Variants in RGS6 observed in about 807,000 individuals in gnomAD.
RGS6 encodes regulator of G protein signaling 6.
RGS6 carries 30 observed loss-of-function variants against 78.5 expected under a neutral mutation model. The observed-to-expected ratio is 0.38, with a 90% CI of 0.29 to 0.52. The LOEUF is 0.52. Ranked by LOEUF, RGS6 falls within the 20% of genes least tolerant of loss-of-function variation. The pLI, the probability that RGS6 is intolerant of heterozygous loss-of-function variation, is 0.85. For synonymous variants in RGS6, 206 were observed against 206.0 expected, an observed-to-expected ratio of 1.00 and a Z score of 0.00; for missense variants, 495 against 609.7, an observed-to-expected ratio of 0.81 and a Z score of 1.98.
At chr14:72,216,569 T>C (rs1001547158) in intron 2 of RGS6, among the ~76,000 whole-genome samples, 1 of 152,202 alleles carries the variant, frequency 6.6e-6, no homozygotes. Context: ...TTCACTAACA[T>C]GTAAAGGAAA....
At chr14:72,060,704 A>G (rs1237715000) in intron 2 of RGS6, among the ~76,000 whole-genome samples, 2 of 152,228 alleles carry the variant, frequency 1.3e-5, no homozygotes, top group African/African-American at 2.4e-5. Context: ...ATTGCCAAGG[A>G]CGCATCAGCA....
intron 2 of RGS6, among the ~76,000 whole-genome samples, chr14:72,334,637 C>T (rs2075700405): frequency 6.6e-6 from 1 of 152,184 alleles, no homozygotes; most frequent in South Asian, 2.1e-4. Context: ...TGATGGAAGT[C>T]ATCTAATTCA....
chr14:72,464,088 G>A (rs976777163), intron 6 of RGS6, among the ~76,000 whole-genome samples: 2 of 152,078 alleles, frequency 1.3e-5, no homozygotes, highest in Non-Finnish European at 1.5e-5. Flanking sequence ...CCCTGTTTTG[G>A]TATCTTTAAA....
At chr14:72,590,013 G>C in the RGS6 span, among the ~76,000 whole-genome samples, 1,312 of 151,818 alleles carry the variant, frequency 8.6e-3, 40 homozygotes, top group Admixed American at 0.057. Flanking sequence ...AAAGAAGATA[G>C]GCAAATGGCC....
chr14:71,927,833 T>G (rs2087739897), upstream of RGS6, among the ~76,000 whole-genome samples: 1 of 151,906 alleles, frequency 6.6e-6, no homozygotes, highest in African/African-American at 2.4e-5. Flanking sequence ...AATTTTTTTG[T>G]ATTTTTAGTA....
chr14:72,293,468 CCT>C lies in RGS6; in HGVS notation c.85-58622_85-58621del, dbSNP rs573461478. Among the ~76,000 whole-genome samples the C allele has an allele frequency of 3.1e-3, 477 of 152,138 alleles. 2 individuals are homozygous for C. The highest frequency in any genetic ancestry group is 0.011 in the African/African-American group (442 of 41,494). ...AGTGTTTGTTTTCTCTCTCCCTCTC[CCT>C]CTCTTCCCCCCTCCCCTTTCCGCTT... is the stretch of plus-strand genomic sequence containing the variant. On this transcript the variant is annotated intron_variant, in intron 2 of 17. Coordinates refer to ENST00000553525, the MANE Select transcript of RGS6 (RefSeq NM_001204424.2).
intron 3 of RGS6, among the ~76,000 whole-genome samples, chr14:72,433,978 A>T (rs1437599115): frequency 6.6e-6 from 1 of 152,254 alleles, no homozygotes; most frequent in East Asian, 1.9e-4. Context: ...GGCTTTGAAG[A>T]TGCTGCTCTC....
the RGS6 span, among the ~76,000 whole-genome samples, chr14:71,888,248 TAAAAC>T: frequency 6.6e-6 from 1 of 150,962 alleles, no homozygotes; most frequent in African/African-American, 2.4e-5. Context: ...ATCTCAAAAA[TAAAAC>T]AAAACAAACA....
chr14:72,602,179 C>A, the RGS6 span, among the ~76,000 whole-genome samples: 1 of 152,208 alleles, frequency 6.6e-6, no homozygotes, highest in Non-Finnish European at 1.5e-5. Flanking sequence ...GACTCCCAAG[C>A]CAGGGTACTT....
intron 2 of RGS6, among the ~76,000 whole-genome samples, chr14:71,983,926 T>C (rs983848532): frequency 6.6e-6 from 1 of 152,206 alleles, no homozygotes; most frequent in African/African-American, 2.4e-5. Context: ...GAACAAGTAG[T>C]GTACTTATTG....
chr14:71,914,367 G>T, the RGS6 span, among the ~76,000 whole-genome samples: 1 of 152,206 alleles, frequency 6.6e-6, no homozygotes, highest in African/African-American at 2.4e-5. Flanking sequence ...TACATTTGGA[G>T]TAGAATAAAT....
intron 3 of RGS6, among the ~76,000 whole-genome samples, chr14:72,418,307 CAG>C (rs1169706319): frequency 6.6e-6 from 1 of 151,960 alleles, no homozygotes; most frequent in Non-Finnish European, 1.5e-5. Context: ...GCTGGGATAA[CAG>C]GCACCTGCCA....
the RGS6 span, among the ~76,000 whole-genome samples, chr14:72,608,638 G>A: frequency 6.6e-6 from 1 of 152,166 alleles, no homozygotes; most frequent in Non-Finnish European, 1.5e-5. Context: ...GAGCTTCTCT[G>A]AGGGGTCTCC....
the RGS6 span, among the ~76,000 whole-genome samples, chr14:72,601,141 C>T: frequency 1.3e-5 from 2 of 152,096 alleles, no homozygotes; most frequent in Admixed American, 1.3e-4. Flanking sequence ...GGGCTGCAGC[C>T]TCTAGCCCTT....
chr14:72,199,825 A>G (rs940437607), intron 2 of RGS6, among the ~76,000 whole-genome samples: 50 of 152,340 alleles, frequency 3.3e-4, no homozygotes, highest in African/African-American at 1.1e-3. Context: ...ACTATGGCCC[A>G]TGGACCAAAC....
chr14:71,999,220 A>G (rs2082926007), intron 2 of RGS6, among the ~76,000 whole-genome samples: 1 of 152,220 alleles, frequency 6.6e-6, no homozygotes, highest in Admixed American at 6.5e-5. Context: ...GGAGAGCGTC[A>G]GTCGAAGTGA....
At chr14:72,251,175 A>G (rs2153837206) in intron 2 of RGS6, among the ~76,000 whole-genome samples, 1 of 152,380 alleles carries the variant, frequency 6.6e-6, no homozygotes, top group South Asian at 2.1e-4. Flanking sequence ...TAAGGGGCAG[A>G]ACTGCAAAGC....
At chr14:72,396,555 C>A (rs916485606) in intron 3 of RGS6, among the ~76,000 whole-genome samples, 4 of 152,070 alleles carry the variant, frequency 2.6e-5, no homozygotes, top group African/African-American at 9.7e-5. Flanking sequence ...CTGATTAGAT[C>A]CCATTTGTCA....
the RGS6 span, among the ~76,000 whole-genome samples, chr14:71,912,257 T>C: frequency 1.3e-5 from 2 of 152,188 alleles, no homozygotes; most frequent in Non-Finnish European, 1.5e-5. Flanking sequence ...AAGTATATAA[T>C]GGGGCATATC....
Sources: allele counts gnomAD v4.1 joint callset (sites outside exome capture counted in the v4.1 genomes callset), GRCh38; gene constraint gnomAD v4.1.1; transcripts MANE v1.5; gene names NCBI Gene and HGNC (gene_info 2026-07-23, HGNC 2026-07-21).